The following USP19 variants were observed in gnomAD, a reference collection of about 807,000 sequenced individuals.
USP19 encodes ubiquitin carboxyl-terminal hydrolase 19.
Under a neutral mutation model 144.8 loss-of-function variants are expected in USP19, and 40 were observed. That is an observed-to-expected ratio of 0.28 (90% confidence interval 0.21 to 0.36). The LOEUF (loss-of-function observed/expected upper bound fraction) is 0.36, where lower values mean the gene tolerates loss of function less well. Ranked by LOEUF, USP19 falls within the 10% of genes least tolerant of loss-of-function variation. The pLI is 1.00. For synonymous variants in USP19, 701 were observed against 709.3 expected (o/e 0.99, Z 0.19); for missense variants, 1,518 against 1,822.5 (o/e 0.83, Z 3.04).
Position 49,114,264 on chromosome 3 carries a change from C to T in USP19, c.2313G>A (p.Pro771=), listed in dbSNP as rs117294099. Residue 771 remains proline, a synonymous_variant, in exon 16 of 27, where the codon CCG becomes CCA. Transcript: ENST00000417901. The surrounding 1 kb of genome is among the most constrained non-coding windows in gnomAD (Gnocchi z 4.5). ...GCAAGGGCACCGGCAGATAAAGAAA[C>T]GGGTCAAAAGTGATGGAGACCTGTG... ...VCAKVSITFD[P]FLYLPVPLPQ... 1,296 of 1,614,172 alleles carry T rather than the reference C, an allele frequency of 8.0e-4. 15 individuals are homozygous for T. In the East Asian group the frequency reaches 0.026, roughly 32 times the overall value.
At position 49,110,693 on chromosome 3, in the gene USP19, C is replaced by T. The variant is rs754294280; in HGVS notation, c.3698+18G>A. The T allele has an allele frequency of 1.6e-5, 26 of 1,612,922 alleles. No individual in the cohort carries two copies. The highest frequency in any genetic ancestry group is 2.1e-5 in the Non-Finnish European group (25 of 1,179,334). ...GGTCCTCACACCCCACCCACAGTTA[C>T]CAAGGTCCACTGCTTACCTAACAGG... On this transcript the variant is annotated intron_variant, in intron 24 of 26. Transcript: ENST00000417901. The surrounding 1 kb of genome is among the most constrained non-coding windows in gnomAD (Gnocchi z 6.1).
intron 26 of USP19, chr3:49,109,907 T>C (rs1054131681): frequency 1.0e-5 from 3 of 301,324 alleles, no homozygotes; most frequent in Non-Finnish European, 1.8e-5. Flanking sequence ...CACAGCATAG[T>C]GCCCAGTGAG....
In USP19 at chr3:49,112,744, T is replaced by C. The variant is rs575800341; in HGVS notation, c.2506-115A>G. The C allele has an allele frequency of 2.6e-5, 37 of 1,414,874 alleles. 1 individual carries two copies. In the South Asian group the frequency reaches 3.9e-4, roughly 15 times the overall value. 87.6% of individuals were successfully genotyped at this position (1,414,874 alleles called of 1,614,324 possible). The stretch of plus-strand genomic sequence containing the variant: ...GGTCTATGTGGGCAGTGGTGAGGTC[T>C]GTAGGCCCAAATAGGCTTATGCCTC... On this transcript the variant is annotated intron_variant, in intron 17 of 26. Transcript: ENST00000417901. This position sits in a 1 kb window ranked among gnomAD's most constrained non-coding sequence, Gnocchi z 4.9.
chr3:49,115,686 G>A lies in USP19; in HGVS notation c.1692+38C>T. The A allele has an allele frequency of 1.9e-6, 3 of 1,606,410 alleles. No homozygotes were observed. ...GAGAGAACAGCCCCAAGACTCTCCAGCCTCCATTCTTCGTCCTTCCCACCC... is the reference window on the plus strand; with the variant it reads ...GAGAGAACAGCCCCAAGACTCTCCAACCTCCATTCTTCGTCCTTCCCACCC... On this transcript the variant is annotated intron_variant, in intron 11 of 26. Coordinates refer to ENST00000417901, the MANE Select transcript of USP19 (RefSeq NM_001199161.2). This position sits in a 1 kb window ranked among gnomAD's most constrained non-coding sequence, Gnocchi z 6.6.
In USP19 at chr3:49,119,275, G is replaced by C. The variant is rs1475289105; in HGVS notation, c.-130C>G. The C allele has an allele frequency of 3.1e-6, 4 of 1,293,390 alleles. No individual in the cohort carries two copies. The highest frequency in any genetic ancestry group is 4.9e-5 in the East Asian group (2 of 40,734). 80.1% of individuals were successfully genotyped at this position (1,293,390 alleles called of 1,614,324 possible). On this transcript the variant is annotated 5_prime_UTR_variant, in exon 2 of 27. Transcript: ENST00000417901. ...GTGGCCAAATTCTCCAGCAAGGAAC[G>C]GACAGCCTAATGGAAAGAAGCCAGT...
In USP19 at chr3:49,116,178, G is replaced by T. The variant is rs1560028967; in HGVS notation, c.1356-16C>A. ...AATCAGATTCCTGTGGGAAAAGGCT[G>T]AACTCAGGGACTTAGGAGGAATGAG... On this transcript the variant is annotated splice_polypyrimidine_tract_variant and intron_variant, in intron 9 of 26. Transcript: ENST00000417901. The surrounding 1 kb of genome is among the most constrained non-coding windows in gnomAD (Gnocchi z 5.0). 6.2e-7 allele frequency: 1 copy of T among 1,613,852 alleles called. No homozygotes were observed. The highest frequency in any genetic ancestry group is 1.1e-5 in the South Asian group (1 of 91,056).
At chr3:49,113,938 G>T (rs35806761) in intron 17 of USP19, 54 bp downstream of exon 17, 9 of 1,570,552 alleles carry the variant, frequency 5.7e-6, no homozygotes, top group East Asian at 2.2e-5. Flanking sequence ...CACGTCTGTG[G>T]TGAGTACACA....
chr3:49,115,598 T>G lies in USP19; in HGVS notation c.1734A>C (p.Pro578=). The G allele has an allele frequency of 6.2e-7, 1 of 1,611,044 alleles. No individual in the cohort carries two copies. The highest frequency in any genetic ancestry group is 8.5e-7 in the Non-Finnish European group (1 of 1,178,494). Residue 578 remains proline, a synonymous_variant, in exon 12 of 27, where the codon CCA becomes CCC. Coordinates refer to ENST00000417901, the MANE Select transcript of USP19 (RefSeq NM_001199161.2). The surrounding 1 kb of genome is among the most constrained non-coding windows in gnomAD (Gnocchi z 6.6). ...TCMVPPMPHS[P]VSGDSVEEEE... ...CCTCCTCCACGCTGTCTCCACTAAC[T>G]GGGCTGTGGGGCATGGGAGGCACCA... is the stretch of plus-strand genomic sequence containing the variant.
At position 49,117,963 on chromosome 3, in the gene USP19, C is replaced by G; in HGVS notation, c.282G>C (p.Glu94Asp). 1.2e-6 allele frequency: 2 copies of G among 1,612,736 alleles called. No homozygotes were observed. The highest frequency in any genetic ancestry group is 1.7e-6 in the Non-Finnish European group (2 of 1,179,724). ...GTTACTGACCCTCTTTGGTCTGCTCCTCTTGAGGAGTGGATGCTGACCCTG... is the reference window on the plus strand; with the variant it reads ...GTTACTGACCCTCTTTGGTCTGCTCGTCTTGAGGAGTGGATGCTGACCCTG... ...SSSGSASTPQ[E>D]EQTKEGACED... Residue 94 changes from glutamate (E) to aspartate (D), a missense_variant, in exon 3 of 27, where the codon GAG (glutamate) becomes GAC (aspartate). By Grantham distance (45) the Glu-to-Asp change is conservative. Around this residue, in one of 5 missense-constraint regions of USP19, gnomAD observed 707 missense variants for 728.9 expected, o/e 0.97. Transcript: ENST00000417901. The surrounding 1 kb of genome is among the most constrained non-coding windows in gnomAD (Gnocchi z 4.4).
Position 49,111,276 on chromosome 3 carries a change from C to G in USP19, c.3307G>C (p.Glu1103Gln). The part of the protein sequence containing the change: ...FIYKIDSSNR[E>Q]QRLEDKGDTP... ...ACACCTTTGTCCTCTAGCCGCTGCTCTCGGTTGGATGAATCAATTTTATAG... is the reference window on the plus strand; with the variant it reads ...ACACCTTTGTCCTCTAGCCGCTGCTGTCGGTTGGATGAATCAATTTTATAG... Residue 1103 changes from glutamate (E) to glutamine (Q), a missense_variant, in exon 22 of 27, where the codon GAG (glutamate) becomes CAG (glutamine). Coordinates refer to ENST00000417901, the MANE Select transcript of USP19 (RefSeq NM_001199161.2). The surrounding 1 kb of genome is among the most constrained non-coding windows in gnomAD (Gnocchi z 5.9). 3.1e-6 allele frequency: 5 copies of G among 1,614,202 alleles called. No individual in the cohort carries two copies. The highest frequency in any genetic ancestry group is 4.2e-6 in the Non-Finnish European group (5 of 1,180,042).
At chr3:49,113,896 T>C in intron 17 of USP19, 96 bp downstream of exon 17, 1 of 1,335,700 alleles carries the variant, frequency 7.5e-7, no homozygotes, top group South Asian at 1.2e-5. Context: ...GCCCAGCCCA[T>C]GTGTATGTCT....
At position 49,110,276 on chromosome 3, in the gene USP19, G is replaced by A. The variant is rs1559987555; in HGVS notation, c.3946C>T (p.Arg1316Trp). The change falls in exon 26 of 27, where the codon CGG becomes TGG. Residue 1316 changes from arginine to tryptophan, a missense_variant. Around this residue, in one of 5 missense-constraint regions of USP19, gnomAD observed 118 missense variants for 100.2 expected, o/e 1.18. Transcript: ENST00000417901. This position sits in a 1 kb window ranked among gnomAD's most constrained non-coding sequence, Gnocchi z 6.1. ...TRYAYVLFYR[R>W]RNSPVERPPR... ...GGCCTCTCCACAGGAGAGTTCCGCC[G>A]GCGGTAGAAGAGTACATAGGCATAA... The A allele has an allele frequency of 3.1e-6, 5 of 1,606,494 alleles. No individual in the cohort carries two copies. Among genetic ancestry groups the A allele is most frequent in the East Asian group, 2.2e-5 (1 of 44,724 alleles).
At position 49,117,091 on chromosome 3, in the gene USP19, CATCACCCCGGGGTCCAGG is replaced by C; in HGVS notation, c.859_876del (p.Pro287_Asp292del). 10 of 1,520,602 alleles carry C rather than the reference CATCACCCCGGGGTCCAGG, an allele frequency of 6.6e-6. No homozygotes were observed. Among genetic ancestry groups the C allele is most frequent in the Non-Finnish European group, 8.8e-6 (10 of 1,130,498 alleles). 94.2% of individuals were successfully genotyped at this position (1,520,602 alleles called of 1,614,324 possible). A position where few individuals can be genotyped will look rare whatever the true frequency, so the allele number is the denominator to read the frequency against. On this transcript the variant is annotated inframe_deletion, in exon 6 of 27. Coordinates refer to ENST00000417901, the MANE Select transcript of USP19 (RefSeq NM_001199161.2). This position sits in a 1 kb window ranked among gnomAD's most constrained non-coding sequence, Gnocchi z 4.4. The stretch of plus-strand genomic sequence containing the variant: ...GCTGGGTCAGCCACGAAGGGTGGGG[CATCACCCCGGGGTCCAGG>C]GTCATCCCTGGACCCGTCCCCCTCT...
In USP19 at chr3:49,108,347, C is replaced by T. The variant is rs1056912285; in HGVS notation, c.*65G>A. On this transcript the variant is annotated 3_prime_UTR_variant, in exon 27 of 27. Coordinates refer to ENST00000417901, the MANE Select transcript of USP19 (RefSeq NM_001199161.2). The surrounding 1 kb of genome is among the most constrained non-coding windows in gnomAD (Gnocchi z 4.8). ...GTCCTCTGGGTTAGAGAAGGAGAAG[C>T]GGCAAGGAGCTGGCCCTCTGTGTGG... 21 of 538,022 alleles carry T rather than the reference C, an allele frequency of 3.9e-5. No individual in the cohort carries two copies. In the Admixed American group the frequency reaches 5.5e-4, roughly 14 times the overall value. The allele number at this position is 538,022 out of a possible 1,614,324, so 33.3% of individuals were successfully genotyped here. A position where few individuals can be genotyped will look rare whatever the true frequency, so the allele number is the denominator to read the frequency against.
rs775970938 is a variant in USP19, at chr3:49,110,759, C to G, written c.3650G>C (p.Ser1217Thr). The G allele has an allele frequency of 6.2e-7, 1 of 1,614,052 alleles. No individual in the cohort carries two copies. The highest frequency in any genetic ancestry group is 8.5e-7 in the Non-Finnish European group (1 of 1,180,058). The change falls in exon 24 of 27, where the codon AGT becomes ACT. Residue 1217 changes from serine (S) to threonine (T), a missense_variant. Around this residue, in one of 5 missense-constraint regions of USP19, gnomAD observed 122 missense variants for 200.4 expected, o/e 0.61. Transcript: ENST00000417901. This position sits in a 1 kb window ranked among gnomAD's most constrained non-coding sequence, Gnocchi z 6.1. ...ATTGATCTTGTCACGCCAGATAAAA[C>G]TACGAAAGGAGAAGCGCTTGAGCTG... ...IVQLKRFSFRSFIWRDKINDL... is the reference protein window; with the variant it reads ...IVQLKRFSFRTFIWRDKINDL...
At position 49,118,222 on chromosome 3, in the gene USP19, A is replaced by C. The variant is rs1575498169; in HGVS notation, c.125-102T>G. The C allele has an allele frequency of 5.3e-6, 3 of 561,270 alleles. No homozygotes were observed. In the East Asian group the frequency reaches 9.1e-5, roughly 17 times the overall value. The allele number at this position is 561,270 out of a possible 1,614,324, so 34.8% of individuals were successfully genotyped here. On this transcript the variant is annotated intron_variant, in intron 2 of 26. Coordinates refer to ENST00000417901, the MANE Select transcript of USP19 (RefSeq NM_001199161.2). ...TGAGGATGCAGTAAGCTACGATCAC[A>C]CCTGCACTGCACTCCAATCTGTGCA...
Position 49,114,293 on chromosome 3 carries a change from G to A in USP19, c.2293-9C>T, listed in dbSNP as rs371790477. The A allele has an allele frequency of 1.1e-4, 180 of 1,612,978 alleles. No individual in the cohort carries two copies. In the African/African-American group the frequency reaches 2.1e-3, roughly 18 times the overall value. On this transcript the variant is annotated splice_polypyrimidine_tract_variant and intron_variant, in intron 15 of 26. Coordinates refer to ENST00000417901, the MANE Select transcript of USP19 (RefSeq NM_001199161.2). The surrounding 1 kb of genome is among the most constrained non-coding windows in gnomAD (Gnocchi z 4.5). ...TCAAAAGTGATGGAGACCTGTGGAT[G>A]TAGAGGTGGCACTGGGTAGCTGCAC...
In USP19 at chr3:49,118,105, T is replaced by C. The variant is rs1410358066; in HGVS notation, c.140A>G (p.Tyr47Cys). The C allele has an allele frequency of 2.9e-6, 4 of 1,356,748 alleles. No homozygotes were observed. Among genetic ancestry groups the C allele is most frequent in the Non-Finnish European group, 3.1e-6 (3 of 979,572 alleles). The allele number at this position is 1,356,748 out of a possible 1,614,324, so 84.0% of individuals were successfully genotyped here. A position where few individuals can be genotyped will look rare whatever the true frequency, so the allele number is the denominator to read the frequency against. Residue 47 changes from tyrosine (Y) to cysteine (C), a missense_variant, in exon 3 of 27, where the codon TAT becomes TGT. Coordinates refer to ENST00000417901, the MANE Select transcript of USP19 (RefSeq NM_001199161.2). Reference protein sequence around the residue: ...GDPRKETGSRYVAQAGLEPLA... With the variant: ...GDPRKETGSRCVAQAGLEPLA... ...AGGTTCAAGACCAGCCTGGGCAACA[T>C]ATCGAGACCCTGTCTCTAAAAAAAA...
Position 49,110,687 on chromosome 3 carries a change from C to A in USP19, c.3698+24G>T, listed in dbSNP as rs1194653181. ...CATCCTGGTCCTCACACCCCACCCACAGTTACCAAGGTCCACTGCTTACCT... is the reference window on the plus strand; with the variant it reads ...CATCCTGGTCCTCACACCCCACCCAAAGTTACCAAGGTCCACTGCTTACCT... On this transcript the variant is annotated intron_variant, in intron 24 of 26. Coordinates refer to ENST00000417901, the MANE Select transcript of USP19 (RefSeq NM_001199161.2). This position sits in a 1 kb window ranked among gnomAD's most constrained non-coding sequence, Gnocchi z 6.1. The A allele has an allele frequency of 6.2e-7, 1 of 1,612,478 alleles. No homozygotes were observed. Among genetic ancestry groups the A allele is most frequent in the Non-Finnish European group, 8.5e-7 (1 of 1,179,058 alleles).
Sources: gnomAD v4.1 joint callset for allele counts on GRCh38, gnomAD v4.1.1 for gene constraint, gnomAD v4.1.1 regional missense constraint, Gnocchi (gnomAD v3.1) non-coding constraint, MANE v1.5 for transcripts, NCBI Gene and HGNC (gene_info 2026-07-23, HGNC 2026-07-21) for gene names.